The following DMXL2 variants were observed in gnomAD, a reference collection of about 807,000 sequenced individuals.
DMXL2 encodes the protein Dmx like 2.
In DMXL2, 103 loss-of-function variants were observed where a neutral mutation model predicts 331.1. The ratio of observed to expected loss-of-function variants is 0.31; its 90% CI spans 0.27 to 0.37. The LOEUF (loss-of-function observed/expected upper bound fraction) is 0.37. Ranked by LOEUF, DMXL2 falls within the 10% of genes least tolerant of loss-of-function variation. DMXL2 has a pLI of 1.00. For synonymous variants in DMXL2, 1,281 were observed against 1,252.1 expected, an observed-to-expected ratio of 1.02 and a Z score of -0.49; for missense variants, 3,171 against 3,642.9, an observed-to-expected ratio of 0.87 and a Z score of 3.33.
intron 6 of DMXL2, among the ~76,000 whole-genome samples, chr15:51,562,055 G>A (rs1188614874): frequency 1.3e-5 from 2 of 152,158 alleles, no homozygotes; most frequent in African/African-American, 2.4e-5. Context: ...GTGTTCAATA[G>A]TACAGTAGGG....
intron 1 of DMXL2, among the ~76,000 whole-genome samples, chr15:51,579,418 A>G (rs568734271): frequency 2.9e-4 from 44 of 152,282 alleles, no homozygotes; most frequent in African/African-American, 1.0e-3. Flanking sequence ...AATCACATGC[A>G]TTCTGTAATT....
chr15:51,500,971 T>C (rs1483840296), intron 17 of DMXL2, among the ~76,000 whole-genome samples: 3 of 152,232 alleles, frequency 2.0e-5, no homozygotes, highest in Admixed American at 1.3e-4. Flanking sequence ...GCCTATTCCA[T>C]CTAAACAATT....
intron 23 of DMXL2, among the ~76,000 whole-genome samples, chr15:51,485,599 A>T (rs556923714): frequency 6.6e-6 from 1 of 152,238 alleles, no homozygotes; most frequent in Non-Finnish European, 1.5e-5. Flanking sequence ...CTATATGTGG[A>T]TATATTAAAA....
rs868223477 is a variant in DMXL2 at position 51,502,260 on chromosome 15, A to G, written c.2992+546T>C. Among the ~76,000 whole-genome samples the G allele has an allele frequency of 9.3e-4, 134 of 143,956 alleles. 1 individual carries two copies. Among genetic ancestry groups the G allele is most frequent in the Non-Finnish European group, 1.4e-3 (93 of 66,290 alleles). The allele number at this position is 143,956 out of a possible 152,430, so 94.4% of individuals were successfully genotyped here. A position where few individuals can be genotyped will look rare whatever the true frequency, so the allele number is the denominator to read the frequency against. ...AAAAAAAAAAAAAAAAATTTACACT[A>G]TTTTCTGTCAAGCTGATTACATTTA... is the stretch of plus-strand genomic sequence containing the variant. On this transcript the variant is annotated intron_variant, in intron 17 of 43. Coordinates refer to ENST00000560891, the MANE Select transcript of DMXL2 (RefSeq NM_001378457.1).
chr15:51,556,677 T>C (rs4775950), intron 6 of DMXL2, among the ~76,000 whole-genome samples: 37,894 of 151,510 alleles, frequency 0.25, 5,216 homozygotes, highest in East Asian at 0.48. Context: ...GAAGCTGAAA[T>C]GGGAGAAATA....
At position 51,499,206 on chromosome 15, in the gene DMXL2, G is replaced by T; in HGVS notation, c.4018C>A (p.Leu1340Ile). 1 of 1,614,044 alleles carries T rather than the reference G, an allele frequency of 6.2e-7. No homozygotes were observed. Among genetic ancestry groups the T allele is most frequent in the South Asian group, 1.1e-5 (1 of 91,072 alleles). Residue 1340 changes from leucine to isoleucine, a missense_variant, in exon 18 of 44, where the codon CTT becomes ATT. This residue lies in a region of DMXL2 where 1,674 missense variants were observed against 1,780.2 expected (regional missense o/e 0.94). Transcript: ENST00000560891. ...DGGLFEAAHV[L>I]SPTLPQYHPT... ...TGATATTGTGGAAGAGTAGGGGAAA[G>T]TACATGTGCAGCCTCAAATAAGCCA...
intron 18 of DMXL2, 50 bp downstream of exon 18, chr15:51,498,502 A>G (rs1886367021): frequency 1.3e-6 from 2 of 1,539,974 alleles, no homozygotes; most frequent in African/African-American, 1.4e-5. Flanking sequence ...GAGATAATAC[A>G]AATATTTCTA....
intron 23 of DMXL2, among the ~76,000 whole-genome samples, chr15:51,483,346 C>T (rs998470873): frequency 1.3e-5 from 2 of 152,140 alleles, no homozygotes; most frequent in South Asian, 2.1e-4. Context: ...ACTGGGGACC[C>T]GTCTTCATTC....
At chr15:51,596,470 G>A (rs1364200130) in intron 1 of DMXL2, among the ~76,000 whole-genome samples, 3 of 152,228 alleles carry the variant, frequency 2.0e-5, no homozygotes, top group African/African-American at 7.2e-5. Flanking sequence ...TACACTGCTG[G>A]TGGGACTGTA....
At chr15:51,601,564 T>C (rs140049651) in intron 1 of DMXL2, among the ~76,000 whole-genome samples, 17 of 152,310 alleles carry the variant, frequency 1.1e-4, no homozygotes, top group Non-Finnish European at 7.4e-5. Context: ...AATTGTGATA[T>C]AAATCAAACA....
At chr15:51,529,637 C>T (rs908299722) in intron 13 of DMXL2, among the ~76,000 whole-genome samples, 3 of 152,146 alleles carry the variant, frequency 2.0e-5, no homozygotes, top group African/African-American at 7.2e-5. Flanking sequence ...TAAAGAAAAG[C>T]CCAGGACCCA....
chr15:51,484,616 G>C (rs1446670973), intron 23 of DMXL2, among the ~76,000 whole-genome samples: 2 of 152,098 alleles, frequency 1.3e-5, no homozygotes, highest in Non-Finnish European at 2.9e-5. Flanking sequence ...TTTTCTGCCA[G>C]ATACATAGAA....
At chr15:51,508,037 G>C (rs1261331380) in intron 15 of DMXL2, among the ~76,000 whole-genome samples, 2 of 152,106 alleles carry the variant, frequency 1.3e-5, no homozygotes, top group Non-Finnish European at 2.9e-5. Flanking sequence ...AATGAGCGCT[G>C]CTAGAGTTAA....
At chr15:51,505,474 T>C (rs1394731187) in intron 16 of DMXL2, among the ~76,000 whole-genome samples, 2 of 152,260 alleles carry the variant, frequency 1.3e-5, no homozygotes. Flanking sequence ...CTCCCATTTC[T>C]GTGCCCAACT....
chr15:51,621,788 G>T (rs1253563385), intron 1 of DMXL2, among the ~76,000 whole-genome samples: 1 of 152,114 alleles, frequency 6.6e-6, no homozygotes, highest in African/African-American at 2.4e-5. Flanking sequence ...TATCTAGGAG[G>T]ATTACCAAAC....
In DMXL2 at chr15:51,460,220, A is replaced by C. The variant is rs1051353307; in HGVS notation, c.7927-560T>G. ...CAGGGTCCTAAGGATGGCTGCAATC[A>C]GAAGTTATATTTCTGCTCTGCTGTG... On this transcript the variant is annotated intron_variant, in intron 33 of 43. Coordinates refer to ENST00000560891, the MANE Select transcript of DMXL2 (RefSeq NM_001378457.1). 3.1e-5 allele frequency: 31 copies of C among 985,798 alleles called. No homozygotes were observed. The South Asian group carries it at 8.5e-4, about 27-fold the overall frequency. 61.1% of individuals were successfully genotyped at this position (985,798 alleles called of 1,614,324 possible).
chr15:51,608,899 C>T (rs755134855), intron 1 of DMXL2, among the ~76,000 whole-genome samples: 1 of 152,062 alleles, frequency 6.6e-6, no homozygotes, highest in Non-Finnish European at 1.5e-5. Context: ...AAGGAAGAAA[C>T]GAAGAGCAAA....
At chr15:51,560,153 G>T (rs1047746664) in intron 6 of DMXL2, among the ~76,000 whole-genome samples, 2 of 152,090 alleles carry the variant, frequency 1.3e-5, no homozygotes, top group Non-Finnish European at 2.9e-5. Context: ...AAATAAAAAA[G>T]AATACTTTTA....
intron 1 of DMXL2, among the ~76,000 whole-genome samples, chr15:51,594,253 A>T (rs1471830777): frequency 6.6e-6 from 1 of 152,208 alleles, no homozygotes; most frequent in Non-Finnish European, 1.5e-5. Context: ...ATCCCACAGA[A>T]ATACAAACTA....
Sources: allele counts gnomAD v4.1 joint callset (sites outside exome capture counted in the v4.1 genomes callset), GRCh38; gene constraint gnomAD v4.1.1; regional missense constraint gnomAD v4.1.1; transcripts MANE v1.5; gene names NCBI Gene and HGNC (gene_info 2026-07-23, HGNC 2026-07-21).